The following RYR3 variants were observed in gnomAD, a reference collection of about 807,000 sequenced individuals.
RYR3 encodes the protein ryanodine receptor 3, also known as brain ryanodine receptor-calcium release channel.
In RYR3, 207 loss-of-function variants were observed where a neutral mutation model predicts 584.3. The ratio of observed to expected loss-of-function variants is 0.35; its 90% CI spans 0.32 to 0.40. The LOEUF (loss-of-function observed/expected upper bound fraction) is 0.40, where lower values mean the gene tolerates loss of function less well. Among genes scored for constraint, RYR3 ranks in the 10% least tolerant of loss-of-function variants. RYR3 has a pLI of 1.00. For synonymous variants in RYR3, 2,416 were observed against 2,248.5 expected, an observed-to-expected ratio of 1.07 and a Z score of -2.11; for missense variants, 5,616 against 6,089.2, an observed-to-expected ratio of 0.92 and a Z score of 2.59.
chr15:33,593,901 C>T (rs678289), intron 16 of RYR3, among the ~76,000 whole-genome samples: 66,618 of 151,946 alleles, frequency 0.44, 15,018 homozygotes, highest in East Asian at 0.77. Flanking sequence ...TATTTGTATA[C>T]AGTGCAGCAA....
At chr15:33,483,181 C>G (rs926496336) in intron 2 of RYR3, among the ~76,000 whole-genome samples, 30 of 151,814 alleles carry the variant, frequency 2.0e-4, no homozygotes, top group African/African-American at 7.0e-4. Flanking sequence ...TTCTTTCTCC[C>G]CTTCCATTAT....
chr15:33,753,789 C>T (rs1389001595), intron 57 of RYR3, among the ~76,000 whole-genome samples: 1 of 152,144 alleles, frequency 6.6e-6, no homozygotes, highest in East Asian at 1.9e-4. Flanking sequence ...AGACTCCCGT[C>T]GTCATTTTAA....
rs183641191 is a variant in RYR3, at chr15:33,712,179, C to G, written c.6619+5125C>G. On this transcript the variant is annotated intron_variant, in intron 43 of 103. Transcript: ENST00000634891. ...GCCACACACTTTTAAATGGCCAGAT[C>G]TCTTAAGAACTCACTGTTGTGAAGA... Among the ~76,000 whole-genome samples the G allele has an allele frequency of 2.0e-5, 3 of 152,262 alleles. No homozygotes were observed. The East Asian group carries it at 5.8e-4, about 29-fold the overall frequency.
At chr15:33,586,318 T>G (rs562358402) in intron 16 of RYR3, among the ~76,000 whole-genome samples, 8 of 152,196 alleles carry the variant, frequency 5.3e-5, no homozygotes, top group Admixed American at 5.2e-4. Flanking sequence ...GTGCCGTGGG[T>G]TTCCAACAGC....
intron 22 of RYR3, 135 bp from the exon 23 acceptor site, chr15:33,631,075 C>T (rs549911457): frequency 1.7e-5 from 10 of 579,290 alleles, no homozygotes; most frequent in Non-Finnish European, 3.1e-5. Context: ...CTCTGTGGCC[C>T]CTTACAGAAA....
intron 36 of RYR3, among the ~76,000 whole-genome samples, chr15:33,664,307 C>T (rs372931066): frequency 3.8e-4 from 58 of 152,058 alleles, no homozygotes; most frequent in East Asian, 2.1e-3. Context: ...ACAGTACCCA[C>T]CTTGGGGTTA....
At chr15:33,448,983 G>C (rs1351828183) in intron 1 of RYR3, among the ~76,000 whole-genome samples, 1 of 152,194 alleles carries the variant, frequency 6.6e-6, no homozygotes, top group East Asian at 1.9e-4. Flanking sequence ...TGACGCAAGG[G>C]CCTGAGAAGT....
chr15:33,320,893 C>G (rs1182455217), intron 1 of RYR3, among the ~76,000 whole-genome samples: 2 of 152,190 alleles, frequency 1.3e-5, no homozygotes, highest in Non-Finnish European at 2.9e-5. Flanking sequence ...TTGGAAAGTA[C>G]AAAGGGACAA....
rs537161946 is a variant in RYR3, at chr15:33,385,161, A to G, written c.51+74065A>G. On this transcript the variant is annotated intron_variant, in intron 1 of 103. Coordinates refer to ENST00000634891, the MANE Select transcript of RYR3 (RefSeq NM_001036.6). ...TTAAAGGGTTATTTTCTGGATGTAT[A>G]CAACATTCACCATTTCACTCACGGA... Among the ~76,000 whole-genome samples, 5 of 152,310 alleles carry G rather than the reference A, an allele frequency of 3.3e-5. No individual in the cohort carries two copies. The South Asian group carries it at 1.0e-3, about 32-fold the overall frequency.
At chr15:33,863,600 T>C (rs78061990) in intron 102 of RYR3, among the ~76,000 whole-genome samples, 5,743 of 152,196 alleles carry the variant, frequency 0.038, 172 homozygotes, top group Non-Finnish European at 0.039. Context: ...AAACCTAAGA[T>C]ATGGATCACA....
At chr15:33,601,708 C>G (rs1008356884) in intron 17 of RYR3, among the ~76,000 whole-genome samples, 156 bp downstream of exon 17, 1 of 152,138 alleles carries the variant, frequency 6.6e-6, no homozygotes, top group Non-Finnish European at 1.5e-5. Flanking sequence ...TGTGCATTTC[C>G]TATGACTAGG....
chr15:33,636,855 A>G (rs1031752206), intron 27 of RYR3, among the ~76,000 whole-genome samples: 4 of 152,220 alleles, frequency 2.6e-5, no homozygotes, highest in African/African-American at 7.2e-5. Flanking sequence ...TTACAAAGAA[A>G]ACACTTATTG....
chr15:33,766,288 G>GAAAAAAAA (rs66478931), intron 60 of RYR3, among the ~76,000 whole-genome samples: 8 of 134,030 alleles, frequency 6.0e-5, no homozygotes, highest in Non-Finnish European at 8.0e-5. Context: ...ACCTCAAAAA[G>GAAAAAAAA]AAAAAAAAAA....
chr15:33,699,618 T>A (rs563529870), intron 40 of RYR3, 86 bp from the exon 41 acceptor site: 20 of 1,270,846 alleles, frequency 1.6e-5, no homozygotes, highest in Admixed American at 6.8e-5. Context: ...GTTCACACTT[T>A]ACCCACTTAA....
rs943939254 is a variant in RYR3, at chr15:33,504,270, T to G, written c.279+532T>G. On this transcript the variant is annotated intron_variant, in intron 3 of 103. Coordinates refer to ENST00000634891, the MANE Select transcript of RYR3 (RefSeq NM_001036.6). ...TTTCCATTGTCAGTAAAATGATCCT[T>G]ATAACTAAGAGACAAGCTCCATATT... Among the ~76,000 whole-genome samples the G allele has an allele frequency of 5.3e-5, 8 of 152,336 alleles. No homozygotes were observed. The East Asian group carries it at 1.5e-3, about 29-fold the overall frequency.
chr15:33,797,760 G>T (rs773972283), intron 67 of RYR3, among the ~76,000 whole-genome samples: 2 of 151,898 alleles, frequency 1.3e-5, no homozygotes, highest in African/African-American at 2.4e-5. Flanking sequence ...GGCTAGATAG[G>T]ATATGATCCT....
At chr15:33,855,049 C>T in intron 98 of RYR3, 137 bp downstream of exon 98, 2 of 895,990 alleles carry the variant, frequency 2.2e-6, no homozygotes, top group Non-Finnish European at 3.0e-6. Flanking sequence ...AACACTTCAA[C>T]TAATGGTGAT....
intron 3 of RYR3, among the ~76,000 whole-genome samples, chr15:33,505,655 C>CCTTT (rs1158289212): frequency 1.3e-5 from 2 of 151,478 alleles, no homozygotes; most frequent in Admixed American, 6.6e-5. Flanking sequence ...CCATGCCCGG[C>CCTTT]TAATTTTTTT....
At chr15:33,853,469 G>T in intron 95 of RYR3, 86 bp from the exon 96 acceptor site, 1 of 1,500,162 alleles carries the variant, frequency 6.7e-7, no homozygotes, top group Non-Finnish European at 9.0e-7. Context: ...TTGCCCATAG[G>T]GCAGCAAAGC....
Sources: gnomAD v4.1 joint callset for allele counts (sites outside exome capture counted in the v4.1 genomes callset) on GRCh38, gnomAD v4.1.1 for gene constraint, MANE v1.5 for transcripts, NCBI Gene and HGNC (gene_info 2026-07-23, HGNC 2026-07-21) for gene names.